The following RBM26 variants were observed in gnomAD, a reference collection of about 807,000 sequenced individuals.
RBM26 encodes RNA binding motif protein 26, also known as RNA-binding protein 26.
RBM26 carries 30 observed loss-of-function variants against 123.6 expected under a neutral mutation model. The observed-to-expected ratio is 0.24, with a 90% CI of 0.18 to 0.33. RBM26 has a LOEUF of 0.33. Ranked by LOEUF, RBM26 falls within the 10% of genes least tolerant of loss-of-function variation. The pLI is 1.00. For missense variants in RBM26, 947 were observed against 1,203.6 expected (o/e 0.79, Z 3.15); for synonymous variants, 400 against 404.4 (o/e 0.99, Z 0.13).
chr13:79,322,523 T>A, intron 20 of RBM26, 61 bp from the exon 21 acceptor site: 2 of 1,072,586 alleles, frequency 1.9e-6, no homozygotes, highest in East Asian at 2.8e-5. Context: ...AAAAAATAAA[T>A]GTCATAGTGC....
At chr13:79,377,598 G>T in intron 2 of RBM26, 83 bp from the exon 3 acceptor site, 2 of 1,065,188 alleles carry the variant, frequency 1.9e-6, no homozygotes, top group Non-Finnish European at 2.8e-6. Context: ...TCTCTAATAT[G>T]ATGAAACATA....
chr13:79,350,730 C>CA (rs2073097981), intron 14 of RBM26, among the ~76,000 whole-genome samples: 1 of 151,334 alleles, frequency 6.6e-6, no homozygotes, highest in South Asian at 2.1e-4. Context: ...CCCCTGCCTT[C>CA]ATTTTTTTTA....
At chr13:79,341,813 T>A (rs1239081631) in intron 17 of RBM26, among the ~76,000 whole-genome samples, 1 of 151,746 alleles carries the variant, frequency 6.6e-6, no homozygotes, top group African/African-American at 2.4e-5. Flanking sequence ...GGAGAGGCGA[T>A]CCAAAACTGA....
Position 79,354,629 on chromosome 13 carries a change from C to T in RBM26, c.1855-59G>A, listed in dbSNP as rs1363736042. On this transcript the variant is annotated intron_variant, in intron 12 of 21. Transcript: ENST00000438737. ...TTCATTCAAAAGGATGGAAAGTGAC[C>T]TGTGTTATTTTGTTACTACATTGCC... is the stretch of plus-strand genomic sequence containing the variant. The T allele has an allele frequency of 3.4e-6, 5 of 1,455,392 alleles. No homozygotes were observed. The Admixed American group carries it at 8.0e-5, about 23-fold the overall frequency. The allele number at this position is 1,455,392 out of a possible 1,614,324, so 90.2% of individuals were successfully genotyped here. A position where few individuals can be genotyped will look rare whatever the true frequency, so the allele number is the denominator to read the frequency against.
intron 3 of RBM26, among the ~76,000 whole-genome samples, chr13:79,374,946 G>A (rs2076505292): frequency 6.6e-6 from 1 of 150,460 alleles, no homozygotes; most frequent in African/African-American, 2.4e-5. Context: ...TTTAGGGGAA[G>A]ACTACTCAAG....
rs898920170 is a variant in RBM26 at position 79,367,469 on chromosome 13, G to A, written c.896-597C>T. Among the ~76,000 whole-genome samples the A allele has an allele frequency of 1.5e-3, 224 of 145,746 alleles. 1 individual carries two copies. Among genetic ancestry groups the A allele is most frequent in the African/African-American group, 5.3e-3 (214 of 40,008 alleles). On this transcript the variant is annotated intron_variant, in intron 6 of 21. Coordinates refer to ENST00000438737, the MANE Select transcript of RBM26 (RefSeq NM_001366735.2). ...GGCAAAAGAGAGAAATGTGACAAAC[G>A]ATGTTGGAGGTGGGGCCTGGTAGGA...
chr13:79,375,665 C>A (rs2076613172), intron 3 of RBM26, among the ~76,000 whole-genome samples: 1 of 152,042 alleles, frequency 6.6e-6, no homozygotes. Context: ...CATTTCTGGT[C>A]TTCCCAGGCA....
At chr13:79,379,355 G>A (rs1369385180) in intron 1 of RBM26, among the ~76,000 whole-genome samples, 10 of 118,280 alleles carry the variant, frequency 8.5e-5, no homozygotes, top group Admixed American at 1.0e-4. Context: ...GCAAAATGGC[G>A]AAACCCAGTC....
chr13:79,353,157 T>C lies in RBM26; in HGVS notation c.2054A>G (p.Glu685Gly). The C allele has an allele frequency of 6.3e-7, 1 of 1,582,350 alleles. No individual in the cohort carries two copies. The highest frequency in any genetic ancestry group is 8.6e-7 in the Non-Finnish European group (1 of 1,160,400). ...FVSKPSVSAT[E>G]KVLSTSTGLT... ...ACATCATGCTATTCTTCTTACCTTT[T>C]CAGTTGCTGAAACAGATGGCTTTGA... The change falls in exon 14 of 22, where the codon GAA becomes GGA. Residue 685 changes from glutamate (E) to glycine (G), a missense_variant. Physicochemically the swap from Glu to Gly is moderately conservative, Grantham distance 98 (BLOSUM62 -2). This residue lies in a region of RBM26 where 493 missense variants were observed against 563.1 expected (regional missense o/e 0.88). Transcript: ENST00000438737.
chr13:79,396,745 T>C (rs1403099972), intron 1 of RBM26, among the ~76,000 whole-genome samples: 1 of 152,216 alleles, frequency 6.6e-6, no homozygotes, highest in Non-Finnish European at 1.5e-5. Context: ...GTTTTAATAT[T>C]ATCAAATCTA....
rs1386808944 is a variant in RBM26 at position 79,366,157 on chromosome 13, T to C, written c.1174A>G (p.Met392Val). 1.9e-6 allele frequency: 3 copies of C among 1,613,910 alleles called. No individual in the cohort carries two copies. In the Admixed American group the frequency reaches 5.0e-5, roughly 27 times the overall value. ...GTTGCAGAGTTTGGAGGAGCATCCA[T>C]GCCAGATGGCTGCAAAGGAGGAAGT... ...PPLPPLQPSGMDAPPNSATSS... is the reference protein window; with the variant it reads ...PPLPPLQPSGVDAPPNSATSS... The change falls in exon 8 of 22, where the codon ATG becomes GTG. Residue 392 changes from methionine (M) to valine (V), a missense_variant. Physicochemically the swap from Met to Val is conservative, Grantham distance 21 (BLOSUM62 1). Coordinates refer to ENST00000438737, the MANE Select transcript of RBM26 (RefSeq NM_001366735.2).
chr13:79,371,262 T>C (rs2075845921), intron 4 of RBM26, 100 bp from the exon 5 acceptor site: 1 of 933,780 alleles, frequency 1.1e-6, no homozygotes, highest in Non-Finnish European at 1.6e-6. Context: ...GTAACTTAAC[T>C]TTCTATCCTA....
chr13:79,398,922 G>A (rs1455098913), intron 1 of RBM26, among the ~76,000 whole-genome samples: 1 of 152,160 alleles, frequency 6.6e-6, no homozygotes, highest in Non-Finnish European at 1.5e-5. Context: ...TTAATAATCA[G>A]GTATATACTA....
In RBM26 at chr13:79,359,083, C is replaced by T. The variant is rs528435453; in HGVS notation, c.1529+492G>A. Among the ~76,000 whole-genome samples, 18 of 152,234 alleles carry T rather than the reference C, an allele frequency of 1.2e-4. No individual in the cohort carries two copies. In the South Asian group the frequency reaches 3.1e-3, roughly 26 times the overall value. On this transcript the variant is annotated intron_variant, in intron 10 of 21. Coordinates refer to ENST00000438737, the MANE Select transcript of RBM26 (RefSeq NM_001366735.2). ...ACAGATTTATTTATAAATGAATCAC[C>T]TCACACATATCTTAACATTCTGATT... is the stretch of plus-strand genomic sequence containing the variant.
intron 6 of RBM26, among the ~76,000 whole-genome samples, chr13:79,367,685 C>T (rs1331156256): frequency 6.6e-6 from 1 of 152,096 alleles, no homozygotes; most frequent in Non-Finnish European, 1.5e-5. Context: ...TTGTAAACTT[C>T]CTGAGGCCTT....
At chr13:79,335,130 C>G (rs948005727) in intron 19 of RBM26, among the ~76,000 whole-genome samples, 1 of 151,988 alleles carries the variant, frequency 6.6e-6, no homozygotes, top group Non-Finnish European at 1.5e-5. Flanking sequence ...ATTATCAATA[C>G]CTTCCTAATT....
At chr13:79,335,588 G>C (rs1299836217) in intron 19 of RBM26, among the ~76,000 whole-genome samples, 1 of 152,080 alleles carries the variant, frequency 6.6e-6, no homozygotes, top group South Asian at 2.1e-4. Context: ...CATAGGTTGA[G>C]AGAAAAGAAG....
chr13:79,375,474 G>C, intron 3 of RBM26, among the ~76,000 whole-genome samples: 1 of 151,962 alleles, frequency 6.6e-6, no homozygotes, highest in South Asian at 2.1e-4. Context: ...CCCAGCCAAA[G>C]TATAATTTTT....
intron 21 of RBM26, 44 bp from the exon 22 acceptor site, chr13:79,320,754 A>AG: frequency 6.9e-7 from 1 of 1,446,338 alleles, no homozygotes; most frequent in Non-Finnish European, 9.3e-7. Flanking sequence ...AAAAAAAAAA[A>AG]AAGAAAAGAA....
Sources: gnomAD v4.1 joint callset for allele counts (sites outside exome capture counted in the v4.1 genomes callset) on GRCh38, gnomAD v4.1.1 for gene constraint, gnomAD v4.1.1 regional missense constraint, MANE v1.5 for transcripts, NCBI Gene and HGNC (gene_info 2026-07-23, HGNC 2026-07-21) for gene names.